Variants in C3orf20 observed in about 807,000 individuals in gnomAD.
C3orf20 encodes the protein uncharacterized protein C3orf20.
In C3orf20, 76 loss-of-function variants were observed where a neutral mutation model predicts 88.3. That is an observed-to-expected ratio of 0.86 (90% CI 0.72 to 1.04). The LOEUF is 1.04. C3orf20 is among the 50% of genes least tolerant of loss of function. The probability of loss-of-function intolerance (pLI) is 0.00; values close to 1 mark genes in which losing one functional copy is unlikely to be tolerated. For missense variants in C3orf20, 1,056 were observed against 1,123.3 expected, an observed-to-expected ratio of 0.94 and a Z score of 0.86; for synonymous variants, 436 against 437.4, an observed-to-expected ratio of 1.00 and a Z score of 0.04.
intron 13 of C3orf20, among the ~76,000 whole-genome samples, chr3:14,759,382 G>T (rs1158685811): frequency 1.3e-5 from 2 of 152,110 alleles, no homozygotes; most frequent in Non-Finnish European, 2.9e-5. Flanking sequence ...CCTCTGAATT[G>T]CCCACACCCT....
Position 14,757,648 on chromosome 3 carries a change from C to T in C3orf20, c.2218C>T (p.Arg740Trp), listed in dbSNP as rs374324620. The change falls in exon 13 of 17, where the codon CGG (arginine) becomes TGG (tryptophan). Residue 740 changes from arginine to tryptophan, a missense_variant. Transcript: ENST00000253697. ...GAACACTCTCTACAACCACCAGCAGCGGGGCCGTGGCTCCCCCTGCATCCA... is the reference window on the plus strand; with the variant it reads ...GAACACTCTCTACAACCACCAGCAGTGGGGCCGTGGCTCCCCCTGCATCCA... ...LLNTLYNHQQ[R>W]GRGSPCIQCR... is the part of the protein sequence containing the mutation. The T allele has an allele frequency of 1.5e-5, 24 of 1,610,550 alleles. No individual in the cohort carries two copies. In the East Asian group the frequency reaches 1.6e-4, roughly 10 times the overall value.
intron 9 of C3orf20, among the ~76,000 whole-genome samples, chr3:14,716,519 G>C (rs1465788439): frequency 2.0e-5 from 3 of 152,202 alleles, no homozygotes; most frequent in Non-Finnish European, 4.4e-5. Context: ...TCCTCCTTAT[G>C]CTCTGATTCC....
intron 1 of C3orf20, among the ~76,000 whole-genome samples, chr3:14,680,861 C>T (rs1352986036): frequency 6.6e-6 from 1 of 152,184 alleles, no homozygotes; most frequent in Non-Finnish European, 1.5e-5. Context: ...GGCTGGTTGC[C>T]CAGATGACCG....
rs181155749 is a variant in C3orf20, at chr3:14,765,942, G to C, written c.2495+4327G>C. On this transcript the variant is annotated intron_variant, in intron 15 of 16. Coordinates refer to ENST00000253697, the MANE Select transcript of C3orf20 (RefSeq NM_032137.5). ...GCTCCAGCAGGGGCTGGGGCAAGCT[G>C]TCACCTGGCAGGTAGATTGCCTTCT... Among the ~76,000 whole-genome samples, 566 of 152,346 alleles carry C rather than the reference G, an allele frequency of 3.7e-3. 3 individuals are homozygous for C. The highest frequency in any genetic ancestry group is 9.5e-3 in the South Asian group (46 of 4,830).
intron 13 of C3orf20, among the ~76,000 whole-genome samples, chr3:14,759,388 A>G (rs2035487713): frequency 6.6e-6 from 1 of 151,930 alleles, no homozygotes; most frequent in Non-Finnish European, 1.5e-5. Flanking sequence ...AATTGCCCAC[A>G]CCCTACCTTG....
intron 7 of C3orf20, among the ~76,000 whole-genome samples, chr3:14,707,708 T>G (rs2033573437): frequency 6.6e-6 from 1 of 152,110 alleles, no homozygotes; most frequent in Non-Finnish European, 1.5e-5. Context: ...ACTTTTAAAT[T>G]TTGATGAAGT....
chr3:14,758,311 C>T (rs972467472), intron 13 of C3orf20, among the ~76,000 whole-genome samples: 1 of 152,120 alleles, frequency 6.6e-6, no homozygotes, highest in Admixed American at 6.5e-5. Flanking sequence ...GTGGCCTGTG[C>T]GAAGGGGGAC....
intron 4 of C3orf20, among the ~76,000 whole-genome samples, chr3:14,685,460 T>TTCTCTC (rs60024348): frequency 1.4e-3 from 188 of 139,094 alleles, no homozygotes; most frequent in East Asian, 5.1e-3. Context: ...CTCTCTCTGT[T>TTCTCTC]TCTCTCTCTC....
Position 14,754,070 on chromosome 3 carries a change from A to C in C3orf20, c.1941-3301A>C, listed in dbSNP as rs115064693. Among the ~76,000 whole-genome samples, 244 of 152,304 alleles carry C rather than the reference A, an allele frequency of 1.6e-3. 2 individuals carry two copies. Among genetic ancestry groups the C allele is most frequent in the African/African-American group, 5.7e-3 (236 of 41,552 alleles). On this transcript the variant is annotated intron_variant, in intron 12 of 16. Coordinates refer to ENST00000253697, the MANE Select transcript of C3orf20 (RefSeq NM_032137.5). Reference sequence around the variant, plus strand: ...AGGCCTTTTCAAAACATGGTTCCAAACCTGGTATCTATATTCCCTGGTATG... The same window carrying C: ...AGGCCTTTTCAAAACATGGTTCCAACCCTGGTATCTATATTCCCTGGTATG...
chr3:14,746,509 C>T (rs920099578), intron 12 of C3orf20, among the ~76,000 whole-genome samples: 4 of 152,168 alleles, frequency 2.6e-5, no homozygotes, highest in Non-Finnish European at 5.9e-5. Context: ...ATAACTGCAA[C>T]ATATATTATC....
chr3:14,770,364 A>G (rs1575169364), intron 15 of C3orf20, among the ~76,000 whole-genome samples: 2 of 152,284 alleles, frequency 1.3e-5, no homozygotes, highest in Non-Finnish European at 1.5e-5. Flanking sequence ...CTTGGTGTTT[A>G]GTTTTTCTAG....
At chr3:14,744,371 T>C (rs2034999745) in intron 12 of C3orf20, among the ~76,000 whole-genome samples, 1 of 152,026 alleles carries the variant, frequency 6.6e-6, no homozygotes, top group Non-Finnish European at 1.5e-5. Flanking sequence ...CTGAATTTTA[T>C]TGTCCATATC....
In C3orf20 at chr3:14,682,782, C is replaced by G. The variant is rs2032165346; in HGVS notation, c.69C>G (p.Ala23=). ...CAGCCATGGCCCCCAAGCTACTGGC[C>G]CGCATCTCCAAACTCCTCATGATCT... ...QYTAMAPKLL[A]RISKLLMICQ... is the part of the protein sequence containing the mutation. The change falls in exon 3 of 17, where the codon GCC becomes GCG. Residue 23 remains alanine, a synonymous_variant. Coordinates refer to ENST00000253697, the MANE Select transcript of C3orf20 (RefSeq NM_032137.5). 1.2e-6 allele frequency: 2 copies of G among 1,614,046 alleles called. No homozygotes were observed. The highest frequency in any genetic ancestry group is 1.7e-5 in the Admixed American group (1 of 60,010).
intron 12 of C3orf20, among the ~76,000 whole-genome samples, chr3:14,748,867 C>T (rs2035135624): frequency 6.6e-6 from 1 of 152,062 alleles, no homozygotes; most frequent in Admixed American, 6.6e-5. Flanking sequence ...TTTGTGGTCT[C>T]ATATATAGTC....
chr3:14,759,920 G>T lies in C3orf20; in HGVS notation c.2274G>T (p.Gln758His). 5 of 1,614,164 alleles carry T rather than the reference G, an allele frequency of 3.1e-6. No individual in the cohort carries two copies. The highest frequency in any genetic ancestry group is 4.2e-6 in the Non-Finnish European group (5 of 1,179,996). ...GGTATGACTCCTACCGCCTGCTGCA[G>T]TATGACCTGGACAGCCCCCTGCAGG... ...QCRYDSYRLL[Q>H]YDLDSPLQED... Residue 758 changes from glutamine (Q) to histidine (H), a missense_variant, in exon 14 of 17, where the codon CAG becomes CAT. Gln to His is a conservative substitution (Grantham distance 24). Transcript: ENST00000253697.
intron 1 of C3orf20, among the ~76,000 whole-genome samples, chr3:14,675,795 A>G (rs2031735300): frequency 6.6e-6 from 1 of 151,986 alleles, no homozygotes. Context: ...GGTTCAAGTG[A>G]TTCTCCTGCC....
rs143413202 is a variant in C3orf20, at chr3:14,682,820, G to A, written c.107G>A (p.Gly36Asp). 252 of 1,614,052 alleles carry A rather than the reference G, an allele frequency of 1.6e-4. No individual in the cohort carries two copies. Among genetic ancestry groups the A allele is most frequent in the Non-Finnish European group, 1.9e-4 (224 of 1,180,030 alleles). ...CTCCTCATGATCTGCCAGAATGCAGGCATTTCTGTACCAAAAGGCATCAGA... is the reference window on the plus strand; with the variant it reads ...CTCCTCATGATCTGCCAGAATGCAGACATTTCTGTACCAAAAGGCATCAGA... ...SKLLMICQNAGISVPKGIRNI... is the reference protein window; with the variant it reads ...SKLLMICQNADISVPKGIRNI... The change falls in exon 3 of 17, where the codon GGC (glycine) becomes GAC (aspartate). Residue 36 changes from glycine to aspartate, a missense_variant. Transcript: ENST00000253697.
At chr3:14,754,103 G>C (rs1033679541) in intron 12 of C3orf20, among the ~76,000 whole-genome samples, 2 of 152,212 alleles carry the variant, frequency 1.3e-5, no homozygotes, top group African/African-American at 2.4e-5. Flanking sequence ...ATGCATGTGA[G>C]CCTTTCAAAG....
At chr3:14,760,028 C>A in intron 14 of C3orf20, 30 bp downstream of exon 14, 1 of 1,524,080 alleles carries the variant, frequency 6.6e-7, no homozygotes, top group Non-Finnish European at 9.1e-7. Flanking sequence ...CTATCCACTG[C>A]CTGCCACCCC....
Sources: gnomAD v4.1 joint callset for allele counts (sites outside exome capture counted in the v4.1 genomes callset) on GRCh38, gnomAD v4.1.1 for gene constraint, MANE v1.5 for transcripts, NCBI Gene and HGNC (gene_info 2026-07-23, HGNC 2026-07-21) for gene names.